DCC: variants seen among roughly 807,000 people sequenced by gnomAD.
The protein encoded by DCC is DCC netrin 1 receptor, also known as netrin receptor DCC.
DCC carries 58 observed loss-of-function variants against 172.5 expected under a neutral mutation model. That is an observed-to-expected ratio of 0.34 (90% confidence interval 0.27 to 0.42). DCC has a LOEUF of 0.42. Among genes scored for constraint, DCC ranks in the 10% least tolerant of loss-of-function variants. The probability of loss-of-function intolerance (pLI) is 1.00; values close to 1 mark genes in which losing one functional copy is unlikely to be tolerated. For synonymous variants in DCC, 709 were observed against 644.5 expected, an observed-to-expected ratio of 1.10 and a Z score of -1.52; for missense variants, 1,740 against 1,791.0, an observed-to-expected ratio of 0.97 and a Z score of 0.51.
intron 1 of DCC, among the ~76,000 whole-genome samples, chr18:52,749,376 G>A (rs1351663093): frequency 6.6e-6 from 1 of 151,956 alleles, no homozygotes; most frequent in Non-Finnish European, 1.5e-5. Flanking sequence ...TGTCTGCCTG[G>A]GAATTTGTCT....
chr18:52,907,329 T>C (rs1360064190), intron 3 of DCC, among the ~76,000 whole-genome samples: 1 of 149,120 alleles, frequency 6.7e-6, no homozygotes, highest in Non-Finnish European at 1.5e-5. Context: ...TATATATCCA[T>C]ATGGATATAT....
intron 1 of DCC, among the ~76,000 whole-genome samples, chr18:52,627,157 T>G (rs138859183): frequency 1.3e-5 from 2 of 152,326 alleles, no homozygotes; most frequent in East Asian, 3.9e-4. Flanking sequence ...GAGCCCCAGT[T>G]ATTCTTTATT....
At chr18:52,649,569 C>T (rs1192191806) in intron 1 of DCC, among the ~76,000 whole-genome samples, 1 of 151,932 alleles carries the variant, frequency 6.6e-6, no homozygotes, top group East Asian at 1.9e-4. Context: ...ATACCCACCC[C>T]CTCTCACCCT....
intron 5 of DCC, among the ~76,000 whole-genome samples, chr18:53,015,394 A>G (rs2041794036): frequency 6.6e-6 from 1 of 152,142 alleles, no homozygotes; most frequent in Admixed American, 6.5e-5. Flanking sequence ...CTTAAATACA[A>G]ATGCAATTTT....
intron 21 of DCC, among the ~76,000 whole-genome samples, chr18:53,428,799 A>C (rs1337893497): frequency 2.5e-5 from 1 of 40,430 alleles, no homozygotes; most frequent in Non-Finnish European, 4.9e-5. Context: ...TAAATTATAT[A>C]TTATATATTT....
intron 1 of DCC, among the ~76,000 whole-genome samples, chr18:52,668,324 A>C (rs2035491514): frequency 6.6e-6 from 1 of 152,196 alleles, no homozygotes; most frequent in African/African-American, 2.4e-5. Context: ...GTTTGGGAGA[A>C]TAAGCTAATA....
rs1464149042 is a variant in DCC, at chr18:52,610,188, T to A, written c.92-141866T>A. On this transcript the variant is annotated intron_variant, in intron 1 of 28. Coordinates refer to ENST00000442544, the MANE Select transcript of DCC (RefSeq NM_005215.4). ...AAAAAAAAAAAAAAAAATATATATA[T>A]ATATATATATATATATATATATATA... is the stretch of plus-strand genomic sequence containing the variant. Among the ~76,000 whole-genome samples the A allele has an allele frequency of 6.1e-4, 7 of 11,500 alleles. 2 individuals are homozygous for A. The highest frequency in any genetic ancestry group is 7.0e-4 in the African/African-American group (2 of 2,842). The allele number at this position is 11,500 out of a possible 152,430, so 7.5% of individuals were successfully genotyped here. A position where few individuals can be genotyped will look rare whatever the true frequency, so the allele number is the denominator to read the frequency against.
In DCC at chr18:52,687,335, A is replaced by G. The variant is rs2035855928; in HGVS notation, c.92-64719A>G. On this transcript the variant is annotated intron_variant, in intron 1 of 28. Coordinates refer to ENST00000442544, the MANE Select transcript of DCC (RefSeq NM_005215.4). ...GTCTTGCTCTTGTCCCCCAGGCTGG[A>G]GTGTGATGGTGTGGTCTCAGCTCAC... 1.1e-4 allele frequency among the ~76,000 whole-genome samples: 15 copies of G among 133,840 alleles called. 1 individual carries two copies. In the South Asian group the frequency reaches 3.5e-3, roughly 31 times the overall value. The allele number at this position is 133,840 out of a possible 152,430, so 87.8% of individuals were successfully genotyped here. A position where few individuals can be genotyped will look rare whatever the true frequency, so the allele number is the denominator to read the frequency against.
intron 1 of DCC, among the ~76,000 whole-genome samples, chr18:52,514,528 A>G (rs2031558490): frequency 1.3e-5 from 2 of 152,244 alleles, no homozygotes; most frequent in African/African-American, 2.4e-5. Context: ...TTCAGATGAC[A>G]ACCAGTGGGT....
At chr18:53,369,526 A>G (rs1284761314) in intron 15 of DCC, among the ~76,000 whole-genome samples, 1 of 151,926 alleles carries the variant, frequency 6.6e-6, no homozygotes, top group East Asian at 1.9e-4. Flanking sequence ...CTATTAGAGT[A>G]GAAGTGTTGA....
At chr18:53,142,644 T>C (rs1386108240) in intron 7 of DCC, among the ~76,000 whole-genome samples, 1 of 152,194 alleles carries the variant, frequency 6.6e-6, no homozygotes, top group Non-Finnish European at 1.5e-5. Flanking sequence ...TACATGAAAA[T>C]TGTAAAAATA....
chr18:52,935,573 T>C (rs968080735), intron 5 of DCC, among the ~76,000 whole-genome samples: 3 of 151,944 alleles, frequency 2.0e-5, no homozygotes, highest in African/African-American at 7.2e-5. Flanking sequence ...TTGCATAGGC[T>C]TTAATTTTAT....
intron 1 of DCC, among the ~76,000 whole-genome samples, chr18:52,356,462 A>G (rs934636468): frequency 6.6e-6 from 1 of 152,256 alleles, no homozygotes; most frequent in African/African-American, 2.4e-5. Flanking sequence ...TTTTGCGGCC[A>G]AAGGGCAGGT....
chr18:52,783,546 A>C (rs1237117715), intron 2 of DCC, among the ~76,000 whole-genome samples: 1 of 151,552 alleles, frequency 6.6e-6, no homozygotes, highest in Non-Finnish European at 1.5e-5. Flanking sequence ...TCTGTAAAAG[A>C]CATTGTAGTG....
chr18:52,715,268 A>G (rs941562205), intron 1 of DCC, among the ~76,000 whole-genome samples: 1 of 116,888 alleles, frequency 8.6e-6, no homozygotes, highest in Non-Finnish European at 1.9e-5. Context: ...CATAAAAAAT[A>G]AAAAAAAACA....
chr18:52,983,494 G>T (rs559766132), intron 5 of DCC, among the ~76,000 whole-genome samples: 1 of 152,232 alleles, frequency 6.6e-6, no homozygotes, highest in South Asian at 2.1e-4. Flanking sequence ...TTTTGTAAAA[G>T]AAATAGGATT....
At chr18:52,673,734 C>G (rs2035597717) in intron 1 of DCC, among the ~76,000 whole-genome samples, 1 of 152,170 alleles carries the variant, frequency 6.6e-6, no homozygotes, top group Admixed American at 6.5e-5. Flanking sequence ...GTTTAGATCA[C>G]ATCGCTAATG....
At chr18:53,505,177 A>G (rs2046156352) in intron 27 of DCC, 1 of 152,196 alleles carries the variant, frequency 6.6e-6, no homozygotes, top group Admixed American at 6.5e-5. Flanking sequence ...AAAAGTAGCA[A>G]CTAGCTGGAG....
intron 1 of DCC, among the ~76,000 whole-genome samples, chr18:52,597,112 TG>T (rs147122560): frequency 0.24 from 37,231 of 152,086 alleles, 5,138 homozygotes; most frequent in Middle Eastern, 0.34. Flanking sequence ...TTTCTATTTT[TG>T]CCAGAAAAGT....
Sources: allele counts gnomAD v4.1 joint callset (sites outside exome capture counted in the v4.1 genomes callset), GRCh38; gene constraint gnomAD v4.1.1; transcripts MANE v1.5; gene names NCBI Gene and HGNC (gene_info 2026-07-23, HGNC 2026-07-21).